The following CDH4 variants were observed in gnomAD, a reference collection of about 807,000 sequenced individuals.
The protein encoded by CDH4 is cadherin 4.
Under a neutral mutation model 86.0 loss-of-function variants are expected in CDH4, and 33 were observed. The observed-to-expected ratio is 0.38, with a 90% CI of 0.29 to 0.51. The LOEUF is 0.51. Ranked by LOEUF, CDH4 falls within the 20% of genes least tolerant of loss-of-function variation. The pLI, the probability that CDH4 is intolerant of heterozygous loss-of-function variation, is 0.86. For missense variants in CDH4, 1,114 were observed against 1,307.4 expected, an observed-to-expected ratio of 0.85 and a Z score of 2.28; for synonymous variants, 555 against 549.4, an observed-to-expected ratio of 1.01 and a Z score of -0.14.
chr20:61,366,440 G>C (rs569254355), intron 2 of CDH4, among the ~76,000 whole-genome samples: 1 of 152,336 alleles, frequency 6.6e-6, no homozygotes, highest in African/African-American at 2.4e-5. Context: ...CACACACACA[G>C]AAATATAGAG....
chr20:61,738,690 C>T (rs1240794817), intron 2 of CDH4: 2 of 152,318 alleles, frequency 1.3e-5, no homozygotes, highest in Non-Finnish European at 1.5e-5. Context: ...CACACCACAC[C>T]ACCGCCCCCA....
intron 2 of CDH4, among the ~76,000 whole-genome samples, chr20:61,297,242 C>T (rs566278931): frequency 6.6e-6 from 1 of 152,220 alleles, no homozygotes; most frequent in East Asian, 1.9e-4. Context: ...AAAAATTGGC[C>T]ACGCACGGTG....
chr20:61,895,115 C>T (rs1280416015), intron 8 of CDH4, 68 bp downstream of exon 8: 7 of 1,550,470 alleles, frequency 4.5e-6, no homozygotes, highest in Non-Finnish European at 5.3e-6. Context: ...GCGTGCGGCA[C>T]AGCCTCCTCT....
rs1266266879 is a variant in CDH4, at chr20:61,402,457, C to CA, written c.169+147522dup. ...TCACCCAGGCTGGAGTGCAGTGGTA[C>CA]AATTTTGGCTCACTGCAGCCTCCTC... On this transcript the variant is annotated intron_variant, in intron 2 of 15. Coordinates refer to ENST00000614565, the MANE Select transcript of CDH4 (RefSeq NM_001794.5). Among the ~76,000 whole-genome samples, 3 of 152,112 alleles carry CA rather than the reference C, an allele frequency of 2.0e-5. No individual in the cohort carries two copies. In the East Asian group the frequency reaches 5.8e-4, roughly 29 times the overall value.
chr20:61,345,168 T>G (rs1242658472), intron 2 of CDH4, among the ~76,000 whole-genome samples: 2 of 152,254 alleles, frequency 1.3e-5, no homozygotes, highest in Non-Finnish European at 1.5e-5. Context: ...GTTCCATGTG[T>G]GCATTTCGGG....
intron 4 of CDH4, among the ~76,000 whole-genome samples, chr20:61,827,393 G>T (rs1450993250): frequency 6.6e-6 from 1 of 152,148 alleles, no homozygotes; most frequent in Non-Finnish European, 1.5e-5. Context: ...GGATTTATTG[G>T]TATTGCTATT....
At chr20:61,671,753 T>C (rs111067181) in intron 2 of CDH4, among the ~76,000 whole-genome samples, 5,324 of 148,206 alleles carry the variant, frequency 0.036, 340 homozygotes, top group African/African-American at 0.13. Context: ...GAATGAATGA[T>C]GGGTGGGTGT....
intron 2 of CDH4, among the ~76,000 whole-genome samples, chr20:61,528,455 G>T (rs1310875983): frequency 9.5e-6 from 1 of 105,156 alleles, no homozygotes; most frequent in Admixed American, 9.7e-5. Context: ...GGGGGGTGGA[G>T]GGGGAGAGGG....
intron 2 of CDH4, among the ~76,000 whole-genome samples, chr20:61,358,331 C>T (rs1172188741): frequency 6.6e-6 from 1 of 152,208 alleles, no homozygotes; most frequent in Non-Finnish European, 1.5e-5. Context: ...GCCCTGCACA[C>T]AGCACCCACA....
chr20:61,257,694 T>A (rs978971706), intron 2 of CDH4, among the ~76,000 whole-genome samples: 5 of 152,280 alleles, frequency 3.3e-5, no homozygotes, highest in Non-Finnish European at 5.9e-5. Flanking sequence ...CAGTGTTCTC[T>A]AAACCGTAGT....
At chr20:61,766,979 T>C (rs2145977701) in intron 3 of CDH4, among the ~76,000 whole-genome samples, 1 of 152,348 alleles carries the variant, frequency 6.6e-6, no homozygotes, top group African/African-American at 2.4e-5. Flanking sequence ...GATGGGCCCA[T>C]CAAGATGGTG....
intron 5 of CDH4, among the ~76,000 whole-genome samples, chr20:61,847,634 G>A (rs188179265): frequency 5.3e-5 from 8 of 152,358 alleles, no homozygotes; most frequent in South Asian, 2.1e-4. Context: ...CTGAGGCTGC[G>A]TAATATAGAG....
chr20:61,445,614 A>C (rs117401950), intron 2 of CDH4, among the ~76,000 whole-genome samples: 3,487 of 151,838 alleles, frequency 0.023, 49 homozygotes, highest in Non-Finnish European at 0.034. Flanking sequence ...AGCAGGAGGC[A>C]AAGGGACCAA....
chr20:61,289,610 G>C (rs931569006), intron 2 of CDH4, among the ~76,000 whole-genome samples: 1 of 152,218 alleles, frequency 6.6e-6, no homozygotes, highest in Admixed American at 6.5e-5. Flanking sequence ...AGAGCCCTTT[G>C]AGGCTTGCTT....
chr20:61,335,496 C>T (rs2084612206), intron 2 of CDH4, among the ~76,000 whole-genome samples: 1 of 152,202 alleles, frequency 6.6e-6, no homozygotes, highest in African/African-American at 2.4e-5. Context: ...AAGGTGGTCT[C>T]ACCACTGAGA....
intron 6 of CDH4, among the ~76,000 whole-genome samples, chr20:61,858,039 GTGTC>G (rs1363027485): frequency 3.3e-5 from 5 of 151,672 alleles, no homozygotes; most frequent in South Asian, 2.1e-4. Context: ...GTGTGTGTCT[GTGTC>G]TGTGTGTCTC....
At chr20:61,301,697 A>G (rs914955323) in intron 2 of CDH4, among the ~76,000 whole-genome samples, 1 of 152,246 alleles carries the variant, frequency 6.6e-6, no homozygotes, top group African/African-American at 2.4e-5. Flanking sequence ...AAGACTTTAC[A>G]CATCAAAATA....
chr20:61,558,717 G>A (rs757805012), intron 2 of CDH4, among the ~76,000 whole-genome samples: 10 of 152,220 alleles, frequency 6.6e-5, no homozygotes, highest in South Asian at 2.1e-4. Flanking sequence ...CGTGCGTCCC[G>A]TCTTTGCCCA....
intron 8 of CDH4, among the ~76,000 whole-genome samples, chr20:61,896,586 C>G (rs535925572): frequency 6.6e-6 from 1 of 152,212 alleles, no homozygotes. Flanking sequence ...ACCAGGAGCC[C>G]GAGGAGCATT....
Sources: allele counts gnomAD v4.1 joint callset (sites outside exome capture counted in the v4.1 genomes callset), GRCh38; gene constraint gnomAD v4.1.1; transcripts MANE v1.5; gene names NCBI Gene and HGNC (gene_info 2026-07-23, HGNC 2026-07-21).